PIP5K1C: variants seen among roughly 807,000 people sequenced by gnomAD.
PIP5K1C encodes phosphatidylinositol-4-phosphate 5-kinase type 1 gamma.
In PIP5K1C, 45 loss-of-function variants were observed where a neutral mutation model predicts 80.1. The ratio of observed to expected loss-of-function variants is 0.56; its 90% confidence interval spans 0.44 to 0.72. The LOEUF (loss-of-function observed/expected upper bound fraction) is 0.72, where lower values mean the gene tolerates loss of function less well. Ranked by LOEUF, PIP5K1C falls within the 30% of genes least tolerant of loss-of-function variation. PIP5K1C has a pLI of 0.00. For missense variants in PIP5K1C, 753 were observed against 954.6 expected (o/e 0.79, Z 2.78); for synonymous variants, 498 against 420.1 (o/e 1.19, Z -2.27).
chr19:3,665,481 G>A (rs1236894957), intron 2 of PIP5K1C, among the ~76,000 whole-genome samples: 1 of 152,142 alleles, frequency 6.6e-6, no homozygotes, highest in Non-Finnish European at 1.5e-5. Flanking sequence ...TGAGGTGGGG[G>A]TGGGAACAGA....
Position 3,692,971 on chromosome 19 carries a change from G to A in PIP5K1C, c.94+7326C>T, listed in dbSNP as rs892171584. ...GGATCTCTGTTCAAGTGTGGCCCCC[G>A]AGTCCCCAGCCTTGAGGGCACCTCC... On this transcript the variant is annotated intron_variant, in intron 1 of 17. Transcript: ENST00000335312. The surrounding 1 kb of genome is among the most constrained non-coding windows in gnomAD (Gnocchi z 5.2). 5.3e-5 allele frequency among the ~76,000 whole-genome samples: 8 copies of A among 151,698 alleles called. No individual in the cohort carries two copies. Among genetic ancestry groups the A allele is most frequent in the South Asian group, 2.1e-4 (1 of 4,812 alleles).
chr19:3,641,622 C>T, intron 15 of PIP5K1C, 83 bp downstream of exon 15: 2 of 973,408 alleles, frequency 2.1e-6, no homozygotes, highest in South Asian at 2.6e-5. Context: ...AGAACTGCTT[C>T]ATGATGAAAC....
intron 7 of PIP5K1C, 45 bp from the exon 8 acceptor site, chr19:3,652,076 A>G (rs2034472389): frequency 1.9e-6 from 3 of 1,590,446 alleles, no homozygotes; most frequent in Non-Finnish European, 2.6e-6. Flanking sequence ...AGCCGTCTCT[A>G]TCCCCCACAA....
chr19:3,634,732 C>A (rs1261392829), intron 16 of PIP5K1C, among the ~76,000 whole-genome samples: 4 of 152,238 alleles, frequency 2.6e-5, no homozygotes, highest in African/African-American at 9.6e-5. Context: ...AGCACTGCCT[C>A]TCCCTGCCTC....
In PIP5K1C at chr19:3,688,337, T is replaced by G. The variant is rs1250411870; in HGVS notation, c.94+11960A>C. On this transcript the variant is annotated intron_variant, in intron 1 of 17. Coordinates refer to ENST00000335312, the MANE Select transcript of PIP5K1C (RefSeq NM_012398.3). The surrounding 1 kb of genome is among the most constrained non-coding windows in gnomAD (Gnocchi z 5.3). Reference sequence around the variant, plus strand: ...GGCCGTGGTGGGAAACAGAGCGGGGTGCCGCAGGGGAGCCCGCAGGAGCTC... The same window carrying G: ...GGCCGTGGTGGGAAACAGAGCGGGGGGCCGCAGGGGAGCCCGCAGGAGCTC... Among the ~76,000 whole-genome samples, 1 of 151,812 alleles carries G rather than the reference T, an allele frequency of 6.6e-6. No homozygotes were observed. Among genetic ancestry groups the G allele is most frequent in the Non-Finnish European group, 1.5e-5 (1 of 67,926 alleles).
At chr19:3,675,484 T>C (rs546277506) in intron 1 of PIP5K1C, among the ~76,000 whole-genome samples, 1 of 152,264 alleles carries the variant, frequency 6.6e-6, no homozygotes, top group African/African-American at 2.4e-5. Flanking sequence ...GTTCAACCTT[T>C]CTTTTCTCTC....
At chr19:3,650,617 G>A (rs1166709709) in intron 8 of PIP5K1C, among the ~76,000 whole-genome samples, 1 of 152,208 alleles carries the variant, frequency 6.6e-6, no homozygotes, top group Non-Finnish European at 1.5e-5. Flanking sequence ...AGCTCTGTGA[G>A]TATCTCCCCA....
Position 3,661,103 on chromosome 19 carries a change from G to A in PIP5K1C, c.351-20C>T. 1.3e-6 allele frequency: 2 copies of A among 1,576,086 alleles called. No individual in the cohort carries two copies. Among genetic ancestry groups the A allele is most frequent in the South Asian group, 2.2e-5 (2 of 90,394 alleles). ...CCTTCGCTGTGGAGGAAGGACGGGA[G>A]GAAACCTGTGAGGGGTGGTGGGCAC... is the stretch of plus-strand genomic sequence containing the variant. On this transcript the variant is annotated intron_variant, in intron 4 of 17. Transcript: ENST00000335312.
intron 8 of PIP5K1C, 125 bp downstream of exon 8, chr19:3,651,701 G>C: frequency 1.0e-6 from 1 of 964,596 alleles, no homozygotes; most frequent in Non-Finnish European, 1.6e-6. Context: ...CCCAGACTCT[G>C]TCTGTCACCC....
chr19:3,679,298 GCAC>G (rs1015163466), intron 1 of PIP5K1C, among the ~76,000 whole-genome samples: 1 of 152,118 alleles, frequency 6.6e-6, no homozygotes, highest in African/African-American at 2.4e-5. Context: ...TCCCCACCCA[GCAC>G]CACACCTTTG....
Position 3,653,212 on chromosome 19 carries a change from C to T in PIP5K1C, c.921+78G>A, listed in dbSNP as rs2034511260. 3.6e-6 allele frequency: 5 copies of T among 1,407,242 alleles called. No homozygotes were observed. In the South Asian group the frequency reaches 5.9e-5, roughly 17 times the overall value. The allele number at this position is 1,407,242 out of a possible 1,614,324, so 87.2% of individuals were successfully genotyped here. The stretch of plus-strand genomic sequence containing the variant: ...GGCCTCGGCCTGGCACCCTCCCTGG[C>T]CCTGCCTGCCCAGGCCGAGCCCTCA... On this transcript the variant is annotated intron_variant, in intron 7 of 17. Coordinates refer to ENST00000335312, the MANE Select transcript of PIP5K1C (RefSeq NM_012398.3).
At chr19:3,682,282 G>C (rs1423429258) in intron 1 of PIP5K1C, among the ~76,000 whole-genome samples, 1 of 151,678 alleles carries the variant, frequency 6.6e-6, no homozygotes, top group Non-Finnish European at 1.5e-5. Context: ...GCTGAGGCAG[G>C]AGAATCGCTC....
chr19:3,667,287 G>A, intron 2 of PIP5K1C, 35 bp downstream of exon 2: 1 of 1,600,514 alleles, frequency 6.2e-7, no homozygotes, highest in Non-Finnish European at 8.5e-7. Context: ...GTCAGGGTGG[G>A]GACCCCAGGC....
intron 16 of PIP5K1C, 149 bp downstream of exon 16, chr19:3,638,735 C>T (rs2033815206): frequency 9.8e-7 from 1 of 1,024,486 alleles, no homozygotes; most frequent in Non-Finnish European, 1.5e-6. Context: ...CGTGAGAGTG[C>T]TGGCTGGTGA....
chr19:3,661,139 C>A, intron 4 of PIP5K1C, 56 bp from the exon 5 acceptor site: 1 of 1,201,022 alleles, frequency 8.3e-7, no homozygotes, highest in Admixed American at 1.7e-5. Flanking sequence ...CTCTCCCCCA[C>A]CCCCGCCATG....
At chr19:3,671,769 C>T (rs1033061515) in intron 1 of PIP5K1C, among the ~76,000 whole-genome samples, 2 of 152,184 alleles carry the variant, frequency 1.3e-5, no homozygotes, top group Non-Finnish European at 2.9e-5. Flanking sequence ...AGGTGAGCGC[C>T]ATCTTCACTC....
intron 1 of PIP5K1C, among the ~76,000 whole-genome samples, chr19:3,674,825 G>C (rs955842727): frequency 1.3e-5 from 2 of 152,216 alleles, no homozygotes; most frequent in Non-Finnish European, 2.9e-5. Context: ...TTTGGAACAG[G>C]AGGAGTTACA....
chr19:3,693,427 G>T (rs2036002935), intron 1 of PIP5K1C, among the ~76,000 whole-genome samples: 1 of 152,156 alleles, frequency 6.6e-6, no homozygotes, highest in African/African-American at 2.4e-5. Context: ...CAGGTGCAGG[G>T]GCTCCGAGCT....
chr19:3,634,161 G>A (rs184248148), intron 16 of PIP5K1C, among the ~76,000 whole-genome samples: 1 of 152,218 alleles, frequency 6.6e-6, no homozygotes, highest in Admixed American at 6.5e-5. Flanking sequence ...GGCACAGGCA[G>A]GGCCGTGTGC....
Sources: gnomAD v4.1 joint callset for allele counts (sites outside exome capture counted in the v4.1 genomes callset) on GRCh38, gnomAD v4.1.1 for gene constraint, Gnocchi (gnomAD v3.1) non-coding constraint, MANE v1.5 for transcripts, NCBI Gene and HGNC (gene_info 2026-07-23, HGNC 2026-07-21) for gene names.